The following ZNF385D variants were observed in gnomAD, a reference collection of about 807,000 sequenced individuals.
ZNF385D encodes the protein zinc finger protein 385D, also known as zinc finger protein 659.
Under a neutral mutation model 35.8 loss-of-function variants are expected in ZNF385D, and 15 were observed. That is an observed-to-expected ratio of 0.42 (90% CI 0.28 to 0.64). The LOEUF is 0.64. ZNF385D is among the 30% of genes least tolerant of loss of function. The pLI, the probability that ZNF385D is intolerant of heterozygous loss-of-function variation, is 0.23. For synonymous variants in ZNF385D, 212 were observed against 186.8 expected (o/e 1.13, Z -1.10); for missense variants, 474 against 494.6 (o/e 0.96, Z 0.39).
At chr3:21,742,751 T>C (rs555343693) in intron 1 of ZNF385D, among the ~76,000 whole-genome samples, 9 of 152,326 alleles carry the variant, frequency 5.9e-5, no homozygotes, top group East Asian at 5.8e-4. Context: ...TTTCTTGCGA[T>C]TGCTACTCTA....
intron 3 of ZNF385D, among the ~76,000 whole-genome samples, chr3:21,560,299 T>C (rs1427985823): frequency 6.6e-6 from 1 of 152,224 alleles, no homozygotes; most frequent in African/African-American, 2.4e-5. Context: ...CGTGGATTCA[T>C]CTATCTTTGG....
intron 3 of ZNF385D, among the ~76,000 whole-genome samples, chr3:21,513,067 C>T (rs1707326587): frequency 1.3e-5 from 2 of 152,026 alleles, no homozygotes; most frequent in Admixed American, 1.3e-4. Flanking sequence ...TCATAGGTTC[C>T]TAACAAATCT....
intron 2 of ZNF385D, among the ~76,000 whole-genome samples, chr3:21,611,703 C>T (rs2064684715): frequency 6.6e-6 from 1 of 151,864 alleles, no homozygotes; most frequent in Non-Finnish European, 1.5e-5. Context: ...AGCCCATGAA[C>T]CCTCATGGTC....
At chr3:21,479,828 A>G (rs1462557336) in intron 4 of ZNF385D, among the ~76,000 whole-genome samples, 3 of 152,198 alleles carry the variant, frequency 2.0e-5, no homozygotes, top group Non-Finnish European at 4.4e-5. Context: ...ACAGAAATGC[A>G]TTAGCTATGA....
chr3:21,710,790 T>G (rs983686432), intron 1 of ZNF385D, among the ~76,000 whole-genome samples: 1 of 152,190 alleles, frequency 6.6e-6, no homozygotes, highest in African/African-American at 2.4e-5. Context: ...TAACCTCTCA[T>G]TGAATACTTC....
Position 22,356,071 on chromosome 3 carries a change from T to A in ZNF385D, c.106+16379A>T, listed in dbSNP as rs549886901. ...GAAAAATAAAACTTGTTAATTTGTGTAGGTATATGAGTCTATGTAAGCAAA... is the reference window on the plus strand; with the variant it reads ...GAAAAATAAAACTTGTTAATTTGTGAAGGTATATGAGTCTATGTAAGCAAA... On this transcript the variant is annotated intron_variant, in intron 2 of 5. Coordinates refer to the ZNF385D transcript ENST00000494108. 5.5e-4 allele frequency among the ~76,000 whole-genome samples: 83 copies of A among 152,108 alleles called. 1 individual carries two copies. The highest frequency in any genetic ancestry group is 1.9e-3 in the African/African-American group (80 of 41,552).
chr3:21,943,461 TG>T (rs1701632432), intron 3 of ZNF385D, among the ~76,000 whole-genome samples: 1 of 151,812 alleles, frequency 6.6e-6, no homozygotes, highest in South Asian at 2.1e-4. Flanking sequence ...GACAACATCA[TG>T]GAAAAAAATG....
At chr3:21,595,553 T>C (rs1316187338) in intron 2 of ZNF385D, among the ~76,000 whole-genome samples, 13 of 151,512 alleles carry the variant, frequency 8.6e-5, no homozygotes, top group Admixed American at 8.6e-4. Flanking sequence ...AGGAAAACAG[T>C]ATACCTACTA....
At chr3:22,300,647 T>C (rs1482685874) in intron 2 of ZNF385D, among the ~76,000 whole-genome samples, 1 of 151,994 alleles carries the variant, frequency 6.6e-6, no homozygotes, top group African/African-American at 2.4e-5. Flanking sequence ...TAGACATTTT[T>C]CTAAAGAAGG....
intron 2 of ZNF385D, among the ~76,000 whole-genome samples, chr3:22,180,631 A>G (rs1042303372): frequency 2.6e-5 from 4 of 152,224 alleles, no homozygotes; most frequent in Non-Finnish European, 5.9e-5. Context: ...TTGGTTCAAC[A>G]TATGCAAATC....
intron 3 of ZNF385D, among the ~76,000 whole-genome samples, chr3:21,892,277 T>C (rs756662521): frequency 5.3e-5 from 8 of 152,168 alleles, no homozygotes; most frequent in Non-Finnish European, 7.3e-5. Context: ...TGCACAGCTT[T>C]GAAAGCGCTA....
intron 3 of ZNF385D, among the ~76,000 whole-genome samples, chr3:21,810,942 TCA>T (rs147772773): frequency 0.027 from 3,943 of 146,814 alleles, 178 homozygotes; most frequent in African/African-American, 0.092. Context: ...ACACAGCACA[TCA>T]CACACACACA....
At chr3:21,937,474 AAT>A (rs1272350720) in intron 3 of ZNF385D, among the ~76,000 whole-genome samples, 2 of 152,198 alleles carry the variant, frequency 1.3e-5, no homozygotes, top group Non-Finnish European at 2.9e-5. Flanking sequence ...TAGCTACACT[AAT>A]AAGTCTCTGT....
intron 3 of ZNF385D, among the ~76,000 whole-genome samples, chr3:21,955,047 GT>G (rs1368519487): frequency 1.3e-5 from 2 of 152,066 alleles, no homozygotes; most frequent in Non-Finnish European, 2.9e-5. Context: ...AAAAGTCAAG[GT>G]TTTTTATCGT....
chr3:21,961,037 T>G (rs140692148), intron 3 of ZNF385D, among the ~76,000 whole-genome samples: 1,611 of 152,206 alleles, frequency 0.011, 14 homozygotes, highest in Non-Finnish European at 0.017. Context: ...TATAATTTAT[T>G]GTACATTTTG....
chr3:22,316,322 T>A (rs9861936), intron 2 of ZNF385D, among the ~76,000 whole-genome samples: 35,021 of 152,124 alleles, frequency 0.23, 4,169 homozygotes, highest in African/African-American at 0.24. Flanking sequence ...CTTGTGTTAA[T>A]CACTTTACCA....
intron 2 of ZNF385D, among the ~76,000 whole-genome samples, chr3:22,203,429 T>G (rs890368349): frequency 5.3e-5 from 8 of 152,070 alleles, no homozygotes; most frequent in African/African-American, 1.9e-4. Flanking sequence ...GGCTTCAAAG[T>G]TGTGGTGGCT....
chr3:21,834,557 A>G (rs902697560), intron 3 of ZNF385D, among the ~76,000 whole-genome samples: 3 of 152,194 alleles, frequency 2.0e-5, no homozygotes, highest in African/African-American at 4.8e-5. Flanking sequence ...GTTGAATTAA[A>G]TAACACTGAG....
At chr3:21,717,223 C>T (rs909880731) in intron 1 of ZNF385D, among the ~76,000 whole-genome samples, 13 of 152,132 alleles carry the variant, frequency 8.5e-5, no homozygotes, top group African/African-American at 2.9e-4. Context: ...TGAAAAAATA[C>T]AAGGCAAAAG....
Sources: gnomAD v4.1 joint callset for allele counts (sites outside exome capture counted in the v4.1 genomes callset) on GRCh38, gnomAD v4.1.1 for gene constraint, MANE v1.5 for transcripts, NCBI Gene and HGNC (gene_info 2026-07-23, HGNC 2026-07-21) for gene names.